PCDH9: variants seen among roughly 807,000 people sequenced by gnomAD.
PCDH9 encodes the protein protocadherin-9.
PCDH9 carries 24 observed loss-of-function variants against 70.6 expected under a neutral mutation model. That is an observed-to-expected ratio of 0.34 (90% CI 0.25 to 0.48). PCDH9 has a LOEUF of 0.48. Ranked by LOEUF, PCDH9 falls within the 20% of genes least tolerant of loss-of-function variation. PCDH9 has a pLI of 0.99. For synonymous variants in PCDH9, 562 were observed against 558.5 expected, an observed-to-expected ratio of 1.01 and a Z score of -0.09; for missense variants, 1,281 against 1,503.6, an observed-to-expected ratio of 0.85 and a Z score of 2.45.
At chr13:67,081,053 T>C (rs2085972708) in intron 2 of PCDH9, among the ~76,000 whole-genome samples, 1 of 152,184 alleles carries the variant, frequency 6.6e-6, no homozygotes. Context: ...GCATTAGTGA[T>C]GGTATAAGAA....
chr13:66,620,742 A>G (rs756078109), intron 4 of PCDH9, among the ~76,000 whole-genome samples: 8 of 151,820 alleles, frequency 5.3e-5, no homozygotes, highest in Non-Finnish European at 1.2e-4. Context: ...TCATAGCATC[A>G]CTGCTTCATA....
At chr13:66,416,558 C>T (rs1046094683) in intron 4 of PCDH9, among the ~76,000 whole-genome samples, 17 of 152,276 alleles carry the variant, frequency 1.1e-4, no homozygotes, top group East Asian at 3.9e-4. Context: ...AGCTATAATG[C>T]ATGTTGCTCT....
intron 4 of PCDH9, among the ~76,000 whole-genome samples, chr13:66,477,571 C>T (rs1347303881): frequency 6.6e-6 from 1 of 152,114 alleles, no homozygotes; most frequent in Non-Finnish European, 1.5e-5. Context: ...ATTGCTTTGC[C>T]TCTCTGTGGC....
intron 4 of PCDH9, among the ~76,000 whole-genome samples, chr13:66,318,744 T>C (rs1172747450): frequency 6.6e-6 from 1 of 152,148 alleles, no homozygotes; most frequent in East Asian, 1.9e-4. Context: ...TCTGGGTTAT[T>C]TCCAATAATT....
intron 4 of PCDH9, among the ~76,000 whole-genome samples, chr13:66,567,508 TAATA>T (rs988164568): frequency 3.0e-4 from 45 of 152,294 alleles, no homozygotes; most frequent in Non-Finnish European, 5.3e-4. Context: ...ATCTGTCTGC[TAATA>T]AATAAATAGT....
At chr13:66,751,455 C>T (rs2079457281) in intron 3 of PCDH9, among the ~76,000 whole-genome samples, 1 of 152,120 alleles carries the variant, frequency 6.6e-6, no homozygotes, top group Admixed American at 6.5e-5. Flanking sequence ...GAAGCCCCTC[C>T]TACTATGAAA....
intron 2 of PCDH9, among the ~76,000 whole-genome samples, chr13:67,111,454 T>C (rs1161711709): frequency 1.3e-5 from 2 of 152,202 alleles, no homozygotes; most frequent in Non-Finnish European, 2.9e-5. Context: ...GGCTGTACTA[T>C]ATACTAGTCT....
intron 4 of PCDH9, among the ~76,000 whole-genome samples, chr13:66,551,686 A>T (rs1429052369): frequency 6.6e-6 from 1 of 152,148 alleles, no homozygotes; most frequent in Non-Finnish European, 1.5e-5. Flanking sequence ...TACCAAATTG[A>T]ATTTACCAAA....
At chr13:66,887,418 G>T (rs2082025249) in intron 3 of PCDH9, among the ~76,000 whole-genome samples, 2 of 152,040 alleles carry the variant, frequency 1.3e-5, no homozygotes, top group Admixed American at 1.3e-4. Flanking sequence ...CTACAGCAGA[G>T]ATTTTTTTTA....
At chr13:66,696,633 T>C (rs1442773050) in intron 3 of PCDH9, among the ~76,000 whole-genome samples, 3 of 152,114 alleles carry the variant, frequency 2.0e-5, no homozygotes, top group Non-Finnish European at 2.9e-5. Context: ...TGAGAAGATG[T>C]TTTCATTAAC....
chr13:66,625,341 G>T (rs1464609711), intron 4 of PCDH9, among the ~76,000 whole-genome samples: 1 of 152,094 alleles, frequency 6.6e-6, no homozygotes. Flanking sequence ...CATTCTGTAA[G>T]TTGATATTCA....
chr13:66,407,548 A>T (rs1405424689), intron 4 of PCDH9, among the ~76,000 whole-genome samples: 1 of 152,132 alleles, frequency 6.6e-6, no homozygotes, highest in Non-Finnish European at 1.5e-5. Flanking sequence ...ATTTCCATGT[A>T]GGTATAAAAC....
chr13:66,324,413 G>A (rs1000962813), intron 4 of PCDH9, among the ~76,000 whole-genome samples: 2 of 152,026 alleles, frequency 1.3e-5, no homozygotes, highest in Non-Finnish European at 2.9e-5. Context: ...ATGGGTTAGA[G>A]AGATAAAGTG....
intron 3 of PCDH9, among the ~76,000 whole-genome samples, chr13:66,703,582 C>A (rs1025829678): frequency 6.6e-6 from 1 of 152,072 alleles, no homozygotes; most frequent in Non-Finnish European, 1.5e-5. Flanking sequence ...ATTTAATGGA[C>A]AGATAGATTA....
chr13:66,878,930 A>G (rs573696743), intron 3 of PCDH9, among the ~76,000 whole-genome samples: 1 of 152,334 alleles, frequency 6.6e-6, no homozygotes, highest in Middle Eastern at 3.4e-3. Flanking sequence ...TGGGCAGTGC[A>G]TCACAACCAC....
rs183334825 is a variant in PCDH9, at chr13:67,146,149, C to T, written c.3036+79256G>A. Among the ~76,000 whole-genome samples, 667 of 152,124 alleles carry T rather than the reference C, an allele frequency of 4.4e-3. 7 individuals are homozygous for T. Among genetic ancestry groups the T allele is most frequent in the African/African-American group, 0.015 (635 of 41,520 alleles). On this transcript the variant is annotated intron_variant, in intron 2 of 4. Transcript: ENST00000377865. ...ACATAAAATGACATTGAAATGTCTT[C>T]AAATGTTTCCAGGAAATTCATGCTA...
intron 4 of PCDH9, among the ~76,000 whole-genome samples, chr13:66,496,021 T>C (rs1465202444): frequency 2.0e-5 from 3 of 152,190 alleles, no homozygotes; most frequent in Non-Finnish European, 4.4e-5. Context: ...ACAAAGCCCA[T>C]AGCAATACTT....
chr13:66,646,154 C>T (rs2077768436), intron 3 of PCDH9, among the ~76,000 whole-genome samples: 1 of 152,172 alleles, frequency 6.6e-6, no homozygotes, highest in African/African-American at 2.4e-5. Context: ...CCCAAAGCTT[C>T]TAGAGTTCTC....
At chr13:67,049,139 G>C (rs1407772114) in intron 2 of PCDH9, among the ~76,000 whole-genome samples, 1 of 152,098 alleles carries the variant, frequency 6.6e-6, no homozygotes, top group Non-Finnish European at 1.5e-5. Context: ...CTAATGAAAA[G>C]TGCCTTTTGT....
Sources: gnomAD v4.1 joint callset for allele counts (sites outside exome capture counted in the v4.1 genomes callset) on GRCh38, gnomAD v4.1.1 for gene constraint, MANE v1.5 for transcripts, NCBI Gene and HGNC (gene_info 2026-07-23, HGNC 2026-07-21) for gene names.